Variants in GRB7 observed in about 807,000 individuals in gnomAD.
GRB7 encodes the protein growth factor receptor bound protein 7, also known as growth factor receptor-bound protein 7.
A neutral mutation model predicts 64.1 loss-of-function variants in GRB7; 47 were observed. That is an observed-to-expected ratio of 0.73 (90% CI 0.58 to 0.94). The LOEUF (loss-of-function observed/expected upper bound fraction) is 0.94, where lower values mean the gene tolerates loss of function less well. GRB7 is among the 40% of genes least tolerant of loss of function. GRB7 has a pLI of 0.00. For missense variants in GRB7, 634 were observed against 718.4 expected (o/e 0.88, Z 1.34); for synonymous variants, 277 against 279.9 (o/e 0.99, Z 0.10).
chr17:39,745,254 G>C lies in GRB7; in HGVS notation c.1023G>C (p.Gln341His). 1 of 1,609,272 alleles carries C rather than the reference G, an allele frequency of 6.2e-7. No individual in the cohort carries two copies. The highest frequency in any genetic ancestry group is 8.5e-7 in the Non-Finnish European group (1 of 1,177,200). Reference protein sequence around the residue: ...AAFRLFKYGVQLYKNYQQAQS... With the variant: ...AAFRLFKYGVHLYKNYQQAQS... ...CTCCCCACCCCCAGTACGGGGTGCA[G>C]CTGTACAAGAATTACCAGCAGGCAC... The change falls in exon 10 of 15, where the codon CAG becomes CAC. Residue 341 changes from glutamine to histidine, a missense_variant. Around this residue, in one of 2 missense-constraint regions of GRB7, gnomAD observed 467 missense variants for 576.6 expected, o/e 0.81. Transcript: ENST00000309156.
At chr17:39,739,347 C>T (rs1319894379) in intron 1 of GRB7, among the ~76,000 whole-genome samples, 1 of 152,206 alleles carries the variant, frequency 6.6e-6, no homozygotes, top group Non-Finnish European at 1.5e-5. Context: ...AAAGAGCTGC[C>T]CCGCCTTCTC....
rs757443404 is a variant in GRB7 at position 39,744,043 on chromosome 17, ACTCTCCTCTG to A, written c.664-16_664-7del. ...GGGAAGGGAGGAGGTCAGACCTGTC[ACTCTCCTCTG>A]CTCTCCTCTGGCTCAGAACTTCCTG... On this transcript the variant is annotated splice_polypyrimidine_tract_variant and intron_variant, in intron 6 of 14. Transcript: ENST00000309156. The A allele has an allele frequency of 1.2e-6, 2 of 1,612,916 alleles. No individual in the cohort carries two copies. The highest frequency in any genetic ancestry group is 1.1e-5 in the South Asian group (1 of 90,990).
Position 39,743,037 on chromosome 17 carries a change from A to AC in GRB7, c.451dup (p.His151ProfsTer27). On this transcript the variant is annotated frameshift_variant, in exon 4 of 15. Transcript: ENST00000309156. LOFTEE classifies it high-confidence loss of function. ...GAGACCTGGGGGCTGGTGGAGTGCC[A>AC]CCCCCACCTAGCACTGGGTAAGTCA... 1.2e-6 allele frequency: 2 copies of AC among 1,606,652 alleles called. No individual in the cohort carries two copies. The highest frequency in any genetic ancestry group is 1.7e-6 in the Non-Finnish European group (2 of 1,175,624).
chr17:39,744,438 C>G, intron 7 of GRB7, 115 bp from the exon 8 acceptor site: 1 of 899,824 alleles, frequency 1.1e-6, no homozygotes, highest in Non-Finnish European at 1.7e-6. Context: ...GCTGTGTGAC[C>G]CTGGGTATTC....
chr17:39,740,918 T>C (rs1567924827), intron 1 of GRB7, among the ~76,000 whole-genome samples: 5 of 152,008 alleles, frequency 3.3e-5, no homozygotes, highest in Admixed American at 2.6e-4. Flanking sequence ...GTGCCCCAGG[T>C]GGCCTCATAG....
chr17:39,738,906 A>G, intron 1 of GRB7: 1 of 1,533,994 alleles, frequency 6.5e-7, no homozygotes, highest in East Asian at 2.4e-5. Context: ...CGGCCCTCCG[A>G]TGGGAAAGTG....
intron 14 of GRB7, among the ~76,000 whole-genome samples, chr17:39,746,473 C>T (rs760933494): frequency 1.3e-5 from 2 of 151,996 alleles, no homozygotes; most frequent in Non-Finnish European, 2.9e-5. Context: ...AAAAATGAGC[C>T]AGGCATGGTG....
At chr17:39,740,031 A>G in intron 1 of GRB7, 1 of 985,310 alleles carries the variant, frequency 1.0e-6, no homozygotes, top group South Asian at 4.7e-5. Context: ...TGTGATTTGA[A>G]TCTACTTCTA....
intron 14 of GRB7, 68 bp downstream of exon 14, chr17:39,746,270 C>A: frequency 7.9e-7 from 1 of 1,258,256 alleles, no homozygotes; most frequent in Non-Finnish European, 1.2e-6. Context: ...GTCCTCCTCA[C>A]CAGGCCCCTC....
intron 1 of GRB7, chr17:39,740,243 A>T: frequency 2.3e-6 from 2 of 855,470 alleles, no homozygotes; most frequent in South Asian, 5.3e-5. Flanking sequence ...GTCTCTTGCT[A>T]GCGGGTGATG....
intron 1 of GRB7, chr17:39,738,768 C>T: frequency 5.3e-6 from 4 of 753,382 alleles, no homozygotes; most frequent in Non-Finnish European, 8.3e-6. Flanking sequence ...AGACAGACGT[C>T]TCTGCGGGCT....
At chr17:39,746,285 G>A in intron 14 of GRB7, 83 bp downstream of exon 14, 2 of 1,114,106 alleles carry the variant, frequency 1.8e-6, no homozygotes, top group Non-Finnish European at 1.4e-6. Context: ...CCCCTCCAGA[G>A]GCTCCCTGGC....
In GRB7 at chr17:39,745,706, C is replaced by T. The variant is rs558752464; in HGVS notation, c.1210-22C>T. ...GCCCCCAAGCACGCCCCGACTCTCC[C>T]GTATCTCCCACTGCTCCACAGAAGA... On this transcript the variant is annotated intron_variant, in intron 11 of 14. Coordinates refer to ENST00000309156, the MANE Select transcript of GRB7 (RefSeq NM_005310.5). The T allele has an allele frequency of 2.2e-5, 35 of 1,612,434 alleles. No homozygotes were observed. In the African/African-American group the frequency reaches 2.5e-4, roughly 12 times the overall value.
chr17:39,745,965 C>G lies in GRB7; in HGVS notation c.1323C>G (p.Ser441Arg). 1 of 1,614,082 alleles carries G rather than the reference C, an allele frequency of 6.2e-7. No individual in the cohort carries two copies. The highest frequency in any genetic ancestry group is 8.5e-7 in the Non-Finnish European group (1 of 1,179,952). ...WFHGRISREE[S>R]QRLIGQQGLV... The stretch of plus-strand genomic sequence containing the variant: ...ACGGGCGCATTTCCCGTGAGGAGAG[C>G]CAGCGGCTTATTGGACAGCAGGGCT... Residue 441 changes from serine to arginine, a missense_variant, in exon 13 of 15, where the codon AGC (serine) becomes AGG (arginine). Ser to Arg is a moderately radical substitution (Grantham distance 110). Transcript: ENST00000309156.
At chr17:39,746,633 A>AGAAAAAGAAAAAG (rs2060049190) in intron 14 of GRB7, 118 bp from the exon 15 acceptor site, 4 of 1,138,146 alleles carry the variant, frequency 3.5e-6, no homozygotes, top group Non-Finnish European at 4.9e-6. Flanking sequence ...AAAAAAAGAA[A>AGAAAAAGAAAAAG]GAAAAAGAAA....
At chr17:39,740,030 A>C in intron 1 of GRB7, 1 of 985,288 alleles carries the variant, frequency 1.0e-6, no homozygotes, top group Non-Finnish European at 1.2e-6. Flanking sequence ...ATGTGATTTG[A>C]ATCTACTTCT....
In GRB7 at chr17:39,745,756, C is replaced by T; in HGVS notation, c.1238C>T (p.Pro413Leu). The change falls in exon 12 of 15, where the codon CCC (proline) becomes CTC (leucine). Residue 413 changes from proline to leucine, a missense_variant. Transcript: ENST00000309156. ...AAGACAAACCACCGCCTCAGCCTGC[C>T]CATGCCAGCCTCCGGCACGAGCCTC... Reference protein sequence around the residue: ...RKKTNHRLSLPMPASGTSLSA... With the variant: ...RKKTNHRLSLLMPASGTSLSA... The T allele has an allele frequency of 6.2e-7, 1 of 1,614,006 alleles. No individual in the cohort carries two copies. Among genetic ancestry groups the T allele is most frequent in the East Asian group, 2.2e-5 (1 of 44,892 alleles).
intron 1 of GRB7, chr17:39,740,172 C>T: frequency 1.0e-6 from 1 of 985,536 alleles, no homozygotes; most frequent in Non-Finnish European, 1.2e-6. Context: ...GAGACCGGGG[C>T]TGTTTGGAGG....
chr17:39,745,538 G>A lies in GRB7; in HGVS notation c.1209G>A (p.Arg403=). ...CCCTGGAGGAGGCCCAGGCCTGGAG[G>A]GTGAGGCCTGCTGTGTGTGTGTGTG... The part of the protein sequence containing the change: ...SVALEEAQAW[R]KKTNHRLSLP... Residue 403 remains arginine (R), a splice_region_variant and synonymous_variant, in exon 11 of 15, where the codon AGG becomes AGA. Coordinates refer to ENST00000309156, the MANE Select transcript of GRB7 (RefSeq NM_005310.5). 1 of 1,609,240 alleles carries A rather than the reference G, an allele frequency of 6.2e-7. No homozygotes were observed. Among genetic ancestry groups the A allele is most frequent in the Non-Finnish European group, 8.5e-7 (1 of 1,176,122 alleles).
Sources: gnomAD v4.1 joint callset for allele counts (sites outside exome capture counted in the v4.1 genomes callset) on GRCh38, gnomAD v4.1.1 for gene constraint, gnomAD v4.1.1 regional missense constraint, MANE v1.5 for transcripts, NCBI Gene and HGNC (gene_info 2026-07-23, HGNC 2026-07-21) for gene names.